The following UNC79 variants were observed in gnomAD, a reference collection of about 807,000 sequenced individuals.
UNC79 encodes the protein unc-79 subunit of NALCN channel complex.
Under a neutral mutation model 283.1 loss-of-function variants are expected in UNC79, and 37 were observed. The ratio of observed to expected loss-of-function variants is 0.13; its 90% CI spans 0.10 to 0.17. The LOEUF (loss-of-function observed/expected upper bound fraction) is 0.17. Among genes scored for constraint, UNC79 ranks in the 10% least tolerant of loss-of-function variants. The pLI is 1.00. For synonymous variants in UNC79, 1,107 were observed against 1,200.2 expected (o/e 0.92, Z 1.61); for missense variants, 2,272 against 3,211.1 (o/e 0.71, Z 7.07).
intron 1 of UNC79, among the ~76,000 whole-genome samples, chr14:93,399,751 AG>A (rs1689127739): frequency 6.6e-6 from 1 of 152,086 alleles, no homozygotes; most frequent in Admixed American, 6.6e-5. Flanking sequence ...CAAGTAGTAG[AG>A]GGTTTATTGT....
At chr14:93,555,222 T>C (rs1276194591) in intron 14 of UNC79, among the ~76,000 whole-genome samples, 2 of 152,238 alleles carry the variant, frequency 1.3e-5, no homozygotes, top group African/African-American at 2.4e-5. Context: ...TGTTTATTTT[T>C]CTGATAAAAT....
At chr14:93,696,316 G>A (rs966776033) in intron 47 of UNC79, among the ~76,000 whole-genome samples, 4 of 152,058 alleles carry the variant, frequency 2.6e-5, no homozygotes, top group Non-Finnish European at 4.4e-5. Context: ...CATGTATGTT[G>A]GGCAAATACC....
At chr14:93,622,443 G>A (rs1248031424) in exon 30 of UNC79, 1 of 1,614,162 alleles carries the variant, frequency 6.2e-7, no homozygotes, top group Non-Finnish European at 8.5e-7. Context: ...GAGTTCTCCT[G>A]CGGTAGCCCA....
chr14:93,648,487 A>G (rs888327747), intron 35 of UNC79, among the ~76,000 whole-genome samples: 1 of 152,184 alleles, frequency 6.6e-6, no homozygotes, highest in Non-Finnish European at 1.5e-5. Flanking sequence ...AGTAGAGCCA[A>G]CAGAATTTGC....
intron 1 of UNC79, among the ~76,000 whole-genome samples, chr14:93,410,016 A>G (rs192176076): frequency 6.6e-6 from 1 of 152,236 alleles, no homozygotes; most frequent in Non-Finnish European, 1.5e-5. Context: ...ATCACTCACA[A>G]TATATGGTTT....
chr14:93,339,884 A>G (rs544737230), intron 1 of UNC79, among the ~76,000 whole-genome samples: 1 of 152,334 alleles, frequency 6.6e-6, no homozygotes, highest in Admixed American at 6.5e-5. Flanking sequence ...TGCAATATTG[A>G]CTGACTTGTG....
In UNC79 at chr14:93,704,538, A is replaced by G. The variant is rs192092668; in HGVS notation, c.7549-87A>G. On this transcript the variant is annotated intron_variant, in intron 47 of 48. Transcript: ENST00000555664. ...CCGTGCGCGACGTGAAAGGGATTCAATGTGGCCTGTTTTCCCTTGCAATGA... is the reference window on the plus strand; with the variant it reads ...CCGTGCGCGACGTGAAAGGGATTCAGTGTGGCCTGTTTTCCCTTGCAATGA... 2,023 of 1,449,566 alleles carry G rather than the reference A, an allele frequency of 1.4e-3. 3 individuals carry two copies. The highest frequency in any genetic ancestry group is 2.4e-3 in the Middle Eastern group (14 of 5,742). 89.8% of individuals were successfully genotyped at this position (1,449,566 alleles called of 1,614,324 possible). A position where few individuals can be genotyped will look rare whatever the true frequency, so the allele number is the denominator to read the frequency against.
At chr14:93,451,838 G>T (rs186246081) in intron 1 of UNC79, among the ~76,000 whole-genome samples, 2 of 152,092 alleles carry the variant, frequency 1.3e-5, no homozygotes, top group Non-Finnish European at 2.9e-5. Flanking sequence ...TGCTGGCCTG[G>T]GATTTGACTT....
chr14:93,695,890 C>CAAAAAAAAAAAAAAAAAAA (rs535235954), intron 47 of UNC79, among the ~76,000 whole-genome samples: 2,100 of 39,056 alleles, frequency 0.054, 317 homozygotes, highest in Non-Finnish European at 0.068. Context: ...GACTTTGTCT[C>CAAAAAAAAAAAAAAAAAAA]AAAAAAAAAA....
intron 35 of UNC79, among the ~76,000 whole-genome samples, chr14:93,650,956 T>C (rs1208352967): frequency 1.3e-5 from 2 of 150,300 alleles, no homozygotes; most frequent in African/African-American, 4.9e-5. Flanking sequence ...TCAAATTAAT[T>C]TTTATGTATG....
chr14:93,457,641 G>A (rs1320336114), intron 1 of UNC79, among the ~76,000 whole-genome samples: 1 of 152,194 alleles, frequency 6.6e-6, no homozygotes, highest in Non-Finnish European at 1.5e-5. Context: ...TGCTGGGCTC[G>A]ATATGCTAAG....
At chr14:93,514,432 T>A (rs777940529) in intron 7 of UNC79, among the ~76,000 whole-genome samples, 16 of 152,184 alleles carry the variant, frequency 1.1e-4, no homozygotes, top group Non-Finnish European at 5.9e-5. Flanking sequence ...GCTCTTTGCT[T>A]TGGCTACATT....
At chr14:93,627,854 A>G (rs1182950254) in intron 30 of UNC79, among the ~76,000 whole-genome samples, 2 of 152,190 alleles carry the variant, frequency 1.3e-5, no homozygotes. Flanking sequence ...AGCATCTTCT[A>G]TTTAATCTGG....
At chr14:93,362,404 A>C (rs949172620) in intron 1 of UNC79, among the ~76,000 whole-genome samples, 3 of 151,996 alleles carry the variant, frequency 2.0e-5, no homozygotes, top group Non-Finnish European at 4.4e-5. Flanking sequence ...GCTGGAGTGC[A>C]ATGGCGCTAT....
intron 1 of UNC79, among the ~76,000 whole-genome samples, chr14:93,352,685 GC>G (rs2054001442): frequency 1.3e-5 from 2 of 152,124 alleles, no homozygotes; most frequent in Non-Finnish European, 2.9e-5. Flanking sequence ...GTTCCTGTGA[GC>G]CTCTGGTCAT....
At chr14:93,701,604 C>A (rs2075535998) in intron 47 of UNC79, among the ~76,000 whole-genome samples, 4 of 152,184 alleles carry the variant, frequency 2.6e-5, no homozygotes, top group Admixed American at 2.6e-4. Context: ...AAATAAATCA[C>A]ATCTAATTCT....
At chr14:93,358,886 A>G (rs980020338) in intron 1 of UNC79, among the ~76,000 whole-genome samples, 1 of 152,132 alleles carries the variant, frequency 6.6e-6, no homozygotes, top group African/African-American at 2.4e-5. Flanking sequence ...CTAGAACTAT[A>G]ACTAGACTAA....
chr14:93,489,349 A>G (rs961678543), intron 5 of UNC79, among the ~76,000 whole-genome samples: 3 of 152,208 alleles, frequency 2.0e-5, no homozygotes, highest in Non-Finnish European at 4.4e-5. Flanking sequence ...AATAGCCCCA[A>G]AAATCGTAAC....
At chr14:93,420,262 G>T (rs948742542) in intron 1 of UNC79, among the ~76,000 whole-genome samples, 1 of 150,672 alleles carries the variant, frequency 6.6e-6, no homozygotes, top group Middle Eastern at 3.5e-3. Flanking sequence ...GAAAACAAAG[G>T]GATAGAAAAC....
Sources: allele counts gnomAD v4.1 joint callset (sites outside exome capture counted in the v4.1 genomes callset), GRCh38; gene constraint gnomAD v4.1.1; transcripts MANE v1.5; gene names NCBI Gene and HGNC (gene_info 2026-07-23, HGNC 2026-07-21).